Variants in ADAM22 observed in about 807,000 individuals in gnomAD.
ADAM22 encodes the protein ADAM metallopeptidase domain 22, also known as disintegrin and metalloproteinase domain-containing protein 22.
A neutral mutation model predicts 144.6 loss-of-function variants in ADAM22; 65 were observed. That is an observed-to-expected ratio of 0.45 (90% CI 0.37 to 0.55). ADAM22 has a LOEUF of 0.55. Among genes scored for constraint, ADAM22 ranks in the 20% least tolerant of loss-of-function variants. The probability of loss-of-function intolerance (pLI) is 0.00; values close to 1 mark genes in which losing one functional copy is unlikely to be tolerated. For missense variants in ADAM22, 974 were observed against 1,184.9 expected, an observed-to-expected ratio of 0.82 and a Z score of 2.61; for synonymous variants, 391 against 412.6, an observed-to-expected ratio of 0.95 and a Z score of 0.63.
intron 17 of ADAM22, 86 bp from the exon 18 acceptor site, chr7:88,148,891 C>A: frequency 9.4e-7 from 1 of 1,065,116 alleles, no homozygotes; most frequent in Non-Finnish European, 1.4e-6. Context: ...TCTAGCCAAA[C>A]AATTTTCATT....
intron 5 of ADAM22, among the ~76,000 whole-genome samples, chr7:88,112,389 A>C (rs1280842105): frequency 6.6e-6 from 1 of 152,182 alleles, no homozygotes; most frequent in Non-Finnish European, 1.5e-5. Context: ...ATGGAATTTC[A>C]CCAATTTCAC....
At chr7:88,108,815 GA>G (rs1165315756) in intron 5 of ADAM22, among the ~76,000 whole-genome samples, 1 of 151,942 alleles carries the variant, frequency 6.6e-6, no homozygotes, top group Non-Finnish European at 1.5e-5. Flanking sequence ...CAAGAAAAAA[GA>G]TAAGCATACT....
chr7:88,089,319 A>G (rs1250721907), intron 4 of ADAM22, among the ~76,000 whole-genome samples: 1 of 152,156 alleles, frequency 6.6e-6, no homozygotes, highest in Non-Finnish European at 1.5e-5. Flanking sequence ...TGCATGCGTT[A>G]TTAGTACAGA....
At chr7:88,051,265 G>A (rs1477307809) in intron 3 of ADAM22, among the ~76,000 whole-genome samples, 22 of 152,034 alleles carry the variant, frequency 1.4e-4, no homozygotes, top group Non-Finnish European at 2.5e-4. Flanking sequence ...TGTTTATTGC[G>A]GCACTATTCA....
chr7:88,114,882 G>C (rs1402978730), intron 6 of ADAM22, among the ~76,000 whole-genome samples: 1 of 152,098 alleles, frequency 6.6e-6, no homozygotes, highest in Non-Finnish European at 1.5e-5. Context: ...GCATCATAAA[G>C]TCAAAAACAT....
chr7:88,165,762 A>T, intron 23 of ADAM22, 70 bp from the exon 24 acceptor site: 2 of 1,041,068 alleles, frequency 1.9e-6, no homozygotes, highest in Non-Finnish European at 2.8e-6. Context: ...ATAATAAGAA[A>T]TTAGTGTTTA....
chr7:88,072,524 G>A (rs1585434195), intron 3 of ADAM22, among the ~76,000 whole-genome samples: 1 of 152,276 alleles, frequency 6.6e-6, no homozygotes, highest in East Asian at 1.9e-4. Context: ...CAGTGAGAGA[G>A]CAAGGGTCCC....
chr7:88,122,587 C>T (rs571789994), intron 7 of ADAM22, among the ~76,000 whole-genome samples: 1 of 152,286 alleles, frequency 6.6e-6, no homozygotes, highest in African/African-American at 2.4e-5. Flanking sequence ...AGTCTGGAAT[C>T]TCATTATCTA....
intron 25 of ADAM22, 84 bp from the exon 26 acceptor site, chr7:88,171,460 T>C: frequency 4.0e-6 from 5 of 1,255,462 alleles, no homozygotes; most frequent in Non-Finnish European, 5.6e-6. Flanking sequence ...CTAGAGCTTT[T>C]ATGTTTAGAG....
intron 5 of ADAM22, 124 bp downstream of exon 5, chr7:88,108,382 CT>C: frequency 1.3e-6 from 1 of 767,848 alleles, no homozygotes. Context: ...GGTGATGGAT[CT>C]GATTTTTTTT....
intron 2 of ADAM22, chr7:87,964,708 A>T (rs1222353529): frequency 2.7e-6 from 1 of 374,862 alleles, no homozygotes; most frequent in Non-Finnish European, 5.1e-6. Flanking sequence ...TATAACAAAA[A>T]TTTTCATTTT....
chr7:88,100,849 A>G (rs1051981398), intron 4 of ADAM22, among the ~76,000 whole-genome samples: 1 of 151,920 alleles, frequency 6.6e-6, no homozygotes, highest in Admixed American at 6.6e-5. Context: ...AGGTGGAGTA[A>G]AGATTGGAGG....
intron 14 of ADAM22, among the ~76,000 whole-genome samples, chr7:88,142,788 A>G (rs1835148085): frequency 6.6e-6 from 1 of 152,012 alleles, no homozygotes; most frequent in African/African-American, 2.4e-5. Flanking sequence ...CAGTGAGCCA[A>G]GATCGTGCCA....
chr7:88,188,222 AT>A (rs34958661), intron 30 of ADAM22, among the ~76,000 whole-genome samples: 1 of 152,042 alleles, frequency 6.6e-6, no homozygotes, highest in Admixed American at 6.6e-5. Context: ...TGGATTTAGC[AT>A]TTTTGCAGCA....
intron 3 of ADAM22, among the ~76,000 whole-genome samples, chr7:88,004,134 G>A (rs1313072323): frequency 2.0e-5 from 3 of 152,288 alleles, no homozygotes; most frequent in South Asian, 2.1e-4. Flanking sequence ...CTGCTGCATT[G>A]CCTGCACTAA....
At chr7:88,172,664 GGTT>G (rs1844642143) in intron 26 of ADAM22, among the ~76,000 whole-genome samples, 1 of 151,920 alleles carries the variant, frequency 6.6e-6, no homozygotes, top group African/African-American at 2.4e-5. Flanking sequence ...AGTGCCCATG[GGTT>G]ACCATTTGAA....
Position 88,145,210 on chromosome 7 carries a change from T to C in ADAM22, c.1392+14T>C. ...GGAACCCCGGCCGTAAGTCTCTGGT[T>C]GTTTTGATGATATTTTCTAGGTAAT... On this transcript the variant is annotated intron_variant, in intron 16 of 31. Coordinates refer to ENST00000413139, the MANE Select transcript of ADAM22 (RefSeq NM_001324418.2). The C allele has an allele frequency of 6.2e-7, 1 of 1,613,270 alleles. No individual in the cohort carries two copies. The highest frequency in any genetic ancestry group is 8.5e-7 in the Non-Finnish European group (1 of 1,179,576).
At position 87,978,343 on chromosome 7, in the gene ADAM22, ATGT is replaced by A. The variant is rs1377400828; in HGVS notation, c.257_259del (p.Val86del). The A allele has an allele frequency of 6.2e-7, 1 of 1,613,110 alleles. No individual in the cohort carries two copies. The highest frequency in any genetic ancestry group is 8.5e-7 in the Non-Finnish European group (1 of 1,179,598). On this transcript the variant is annotated inframe_deletion, in exon 3 of 32. Coordinates refer to ENST00000413139, the MANE Select transcript of ADAM22 (RefSeq NM_001324418.2). ...TTCTTTTTGATATTGTAGTTGACTCATGTTGACCAAGCAAGCTTCCAGGTTGAT... is the reference window on the plus strand; with the variant it reads ...TTCTTTTTGATATTGTAGTTGACTCATGACCAAGCAAGCTTCCAGGTTGAT...
intron 3 of ADAM22, among the ~76,000 whole-genome samples, chr7:88,006,869 C>G (rs978894618): frequency 1.7e-3 from 249 of 150,734 alleles, no homozygotes; most frequent in African/African-American, 5.6e-3. Context: ...TCTCACCACT[C>G]CTATTCAACA....
Sources: allele counts gnomAD v4.1 joint callset (sites outside exome capture counted in the v4.1 genomes callset), GRCh38; gene constraint gnomAD v4.1.1; transcripts MANE v1.5; gene names NCBI Gene and HGNC (gene_info 2026-07-23, HGNC 2026-07-21).